The following ABCA13 variants were observed in gnomAD, a reference collection of about 807,000 sequenced individuals.
The protein encoded by ABCA13 is ATP binding cassette subfamily A member 13.
Under a neutral mutation model 478.7 loss-of-function variants are expected in ABCA13, and 476 were observed. That is an observed-to-expected ratio of 0.99 (90% CI 0.92 to 1.07). ABCA13 has a LOEUF of 1.07. Among genes scored for constraint, ABCA13 ranks in the 50% least tolerant of loss-of-function variants. The probability of loss-of-function intolerance (pLI) is 0.00; values close to 1 mark genes in which losing one functional copy is unlikely to be tolerated. For missense variants in ABCA13, 6,060 were observed against 5,910.6 expected (o/e 1.03, Z -0.83); for synonymous variants, 2,252 against 2,158.9 (o/e 1.04, Z -1.20).
At chr7:48,246,499 TG>T (rs2128680703) in intron 13 of ABCA13, among the ~76,000 whole-genome samples, 1 of 152,320 alleles carries the variant, frequency 6.6e-6, no homozygotes, top group South Asian at 2.1e-4. Context: ...ACGATTTGTT[TG>T]GAAAGATTAT....
In ABCA13 at chr7:48,269,015, A is replaced by C; in HGVS notation, c.2041A>C (p.Met681Leu). ...PEESPCFEENMDWKMISDNYF... is the reference protein window; with the variant it reads ...PEESPCFEENLDWKMISDNYF... Reference sequence around the variant, plus strand: ...GGAATCTCCTTGTTTTGAAGAAAACATGGATTGGAAAATGATCAGTGATAA... The same window carrying C: ...GGAATCTCCTTGTTTTGAAGAAAACCTGGATTGGAAAATGATCAGTGATAA... Residue 681 changes from methionine (M) to leucine (L), a missense_variant, in exon 16 of 62, where the codon ATG becomes CTG. Coordinates refer to ENST00000435803, the MANE Select transcript of ABCA13 (RefSeq NM_152701.5). 6.3e-7 allele frequency: 1 copy of C among 1,599,234 alleles called. No individual in the cohort carries two copies. Among genetic ancestry groups the C allele is most frequent in the Non-Finnish European group, 8.6e-7 (1 of 1,168,830 alleles).
intron 23 of ABCA13, among the ~76,000 whole-genome samples, chr7:48,304,398 C>T (rs1468838905): frequency 1.3e-5 from 2 of 152,226 alleles, no homozygotes; most frequent in African/African-American, 4.8e-5. Context: ...GAAATCCCCA[C>T]ACTGCTTTCT....
chr7:48,318,047 A>C (rs1450204711), intron 27 of ABCA13, among the ~76,000 whole-genome samples: 1 of 152,216 alleles, frequency 6.6e-6, no homozygotes, highest in African/African-American at 2.4e-5. Context: ...TCTTATTGTC[A>C]AACACAGAAG....
intron 54 of ABCA13, among the ~76,000 whole-genome samples, chr7:48,525,578 T>C (rs1036409863): frequency 9.9e-5 from 15 of 151,776 alleles, no homozygotes; most frequent in African/African-American, 3.6e-4. Context: ...CGGACAGCCA[T>C]GTAGAAATAT....
intron 38 of ABCA13, among the ~76,000 whole-genome samples, chr7:48,397,685 G>T (rs1817029509): frequency 6.6e-6 from 1 of 152,096 alleles, no homozygotes; most frequent in African/African-American, 2.4e-5. Context: ...TATTTGTTTA[G>T]ATGATCTCAA....
chr7:48,210,609 A>G (rs1426158755), intron 3 of ABCA13, among the ~76,000 whole-genome samples: 1 of 152,040 alleles, frequency 6.6e-6, no homozygotes, highest in African/African-American at 2.4e-5. Context: ...GTGGTAATTC[A>G]GGGGCATATT....
Position 48,274,630 on chromosome 7 carries a change from G to C in ABCA13, c.4964G>C (p.Gly1655Ala), listed in dbSNP as rs376258229. 8.1e-6 allele frequency: 13 copies of C among 1,613,938 alleles called. No individual in the cohort carries two copies. The highest frequency in any genetic ancestry group is 3.3e-4 in the Middle Eastern group (2 of 6,062). The change falls in exon 17 of 62, where the codon GGT becomes GCT. Residue 1655 changes from glycine (G) to alanine (A), a missense_variant. Gly to Ala is a moderately conservative substitution (Grantham distance 60). Transcript: ENST00000435803. ...VVHHTSPQNA[G>A]YMQALKKVTS... ...CATCACACTAGTCCACAAAATGCAG[G>C]TTATATGCAAGCTTTGAAGAAGGTA... is the stretch of plus-strand genomic sequence containing the variant.
intron 23 of ABCA13, among the ~76,000 whole-genome samples, chr7:48,301,584 C>A (rs1301617583): frequency 6.6e-6 from 1 of 151,014 alleles, no homozygotes; most frequent in Admixed American, 6.6e-5. Context: ...TTATGGGTTT[C>A]TGGGATCATG....
Position 48,244,711 on chromosome 7 carries a change from A to G in ABCA13, c.1390+8A>G, listed in dbSNP as rs779244926. On this transcript the variant is annotated splice_region_variant and intron_variant, in intron 11 of 61. Transcript: ENST00000435803. ...ATTTACATTTTGTCCAAGGTAAGCT[A>G]GCTTTGGTGTTATTTGTCCCTGACT... 1 of 1,582,654 alleles carries G rather than the reference A, an allele frequency of 6.3e-7. No individual in the cohort carries two copies. The highest frequency in any genetic ancestry group is 8.6e-7 in the Non-Finnish European group (1 of 1,162,352).
intron 42 of ABCA13, among the ~76,000 whole-genome samples, chr7:48,435,269 T>C (rs889744118): frequency 8.6e-5 from 13 of 151,866 alleles, no homozygotes; most frequent in Admixed American, 4.6e-4. Context: ...TATGTTATTG[T>C]AAATGAAATG....
intron 56 of ABCA13, 145 bp downstream of exon 56, chr7:48,580,519 T>G: frequency 4.3e-6 from 3 of 691,180 alleles, no homozygotes; most frequent in Non-Finnish European, 7.0e-6. Flanking sequence ...TTTTCTAATA[T>G]GATTATACTG....
At chr7:48,294,844 T>C (rs924026828) in intron 20 of ABCA13, among the ~76,000 whole-genome samples, 3 of 152,228 alleles carry the variant, frequency 2.0e-5, no homozygotes, top group African/African-American at 7.2e-5. Flanking sequence ...ACTTAGCATA[T>C]CTTCTGGGTT....
intron 20 of ABCA13, among the ~76,000 whole-genome samples, chr7:48,293,192 G>GGCCCCCC: frequency 9.2e-6 from 1 of 108,326 alleles, no homozygotes. Flanking sequence ...GAAGTCTTCA[G>GGCCCCCC]CCCCCCCCCC....
chr7:48,438,234 C>T (rs576662745), intron 42 of ABCA13, among the ~76,000 whole-genome samples: 23 of 152,224 alleles, frequency 1.5e-4, no homozygotes, highest in African/African-American at 5.1e-4. Context: ...TTTGACCCCA[C>T]CAATATGGGA....
chr7:48,344,455 G>A (rs1415482346), intron 29 of ABCA13, among the ~76,000 whole-genome samples: 1 of 152,176 alleles, frequency 6.6e-6, no homozygotes, highest in African/African-American at 2.4e-5. Flanking sequence ...GGGTCCTCAG[G>A]TATATACACT....
chr7:48,529,807 G>A (rs998342788), intron 55 of ABCA13, among the ~76,000 whole-genome samples: 2 of 151,868 alleles, frequency 1.3e-5, no homozygotes, highest in African/African-American at 4.8e-5. Context: ...TAATTCATTT[G>A]TGAAAGTATT....
At chr7:48,180,034 T>G (rs768064996) in intron 1 of ABCA13, among the ~76,000 whole-genome samples, 10 of 152,206 alleles carry the variant, frequency 6.6e-5, no homozygotes, top group Non-Finnish European at 1.3e-4. Context: ...CGATTTTATC[T>G]GATGCCTGAG....
chr7:48,621,897 C>A (rs1403092840), intron 59 of ABCA13, among the ~76,000 whole-genome samples: 1 of 152,298 alleles, frequency 6.6e-6, no homozygotes, highest in South Asian at 2.1e-4. Flanking sequence ...CCAACACCAA[C>A]TGCCCCAATC....
At chr7:48,478,354 A>T (rs1202532912) in intron 45 of ABCA13, among the ~76,000 whole-genome samples, 1 of 150,142 alleles carries the variant, frequency 6.7e-6, no homozygotes, top group Non-Finnish European at 1.5e-5. Flanking sequence ...CAGCTTTTTA[A>T]TATATGCATT....
Sources: allele counts gnomAD v4.1 joint callset (sites outside exome capture counted in the v4.1 genomes callset), GRCh38; gene constraint gnomAD v4.1.1; transcripts MANE v1.5; gene names NCBI Gene and HGNC (gene_info 2026-07-23, HGNC 2026-07-21).